APLF: variants seen among roughly 807,000 people sequenced by gnomAD.
APLF encodes aprataxin and PNK-like factor.
APLF carries 61 observed loss-of-function variants against 55.6 expected under a neutral mutation model. The observed-to-expected ratio is 1.10, with a 90% confidence interval of 0.89 to 1.36. The LOEUF is 1.36. Ranked by LOEUF, APLF falls within the 40% of genes most tolerant of loss-of-function variation. APLF has a pLI of 0.00. For missense variants in APLF, 611 were observed against 602.5 expected, an observed-to-expected ratio of 1.01 and a Z score of -0.15; for synonymous variants, 207 against 214.8, an observed-to-expected ratio of 0.96 and a Z score of 0.32.
intron 9 of APLF, among the ~76,000 whole-genome samples, chr2:68,568,669 TAG>T (rs2104071394): frequency 6.6e-6 from 1 of 152,264 alleles, no homozygotes; most frequent in African/African-American, 2.4e-5. Context: ...TTTATAGAAA[TAG>T]GAAATATTTA....
At chr2:68,488,018 GCTTA>G (rs147511765) in intron 1 of APLF, among the ~76,000 whole-genome samples, 16,141 of 151,968 alleles carry the variant, frequency 0.11, 2,574 homozygotes, top group African/African-American at 0.35. Flanking sequence ...TGTCAGTGAA[GCTTA>G]CTTCAAAGAA....
chr2:68,488,009 G>A (rs188280020), intron 1 of APLF, among the ~76,000 whole-genome samples: 363 of 147,136 alleles, frequency 2.5e-3, no homozygotes, highest in Non-Finnish European at 4.2e-3. Flanking sequence ...TCTTCGTAGT[G>A]TCAGTGAAGC....
intron 5 of APLF, among the ~76,000 whole-genome samples, chr2:68,524,633 G>C (rs971774937): frequency 1.3e-5 from 2 of 152,134 alleles, no homozygotes; most frequent in African/African-American, 2.4e-5. Flanking sequence ...TTTAGAACAT[G>C]GAATAATGAC....
chr2:68,519,087 A>G (rs184127224), intron 5 of APLF, among the ~76,000 whole-genome samples: 1 of 126,254 alleles, frequency 7.9e-6, no homozygotes, highest in Admixed American at 8.8e-5. Flanking sequence ...ATAATATATA[A>G]TTAATATATA....
intron 5 of APLF, among the ~76,000 whole-genome samples, chr2:68,518,166 G>C (rs1418296236): frequency 1.6e-5 from 2 of 121,344 alleles, no homozygotes; most frequent in Non-Finnish European, 3.2e-5. Context: ...ATGTATAATA[G>C]TAATATAATA....
Position 68,523,846 on chromosome 2 carries a change from C to T in APLF, c.623-2215C>T, listed in dbSNP as rs538190774. Among the ~76,000 whole-genome samples the T allele has an allele frequency of 2.6e-5, 4 of 151,512 alleles. No individual in the cohort carries two copies. The South Asian group carries it at 8.3e-4, about 32-fold the overall frequency. The stretch of plus-strand genomic sequence containing the variant: ...CTGTTGTCAGCCATTTTAAGCTATT[C>T]ATTTTTTATATACTCTTTGTGAAGA... On this transcript the variant is annotated intron_variant, in intron 5 of 9. Coordinates refer to ENST00000303795, the MANE Select transcript of APLF (RefSeq NM_173545.3).
chr2:68,556,957 T>TA (rs1671034970), intron 8 of APLF, among the ~76,000 whole-genome samples: 2 of 152,170 alleles, frequency 1.3e-5, no homozygotes, highest in Non-Finnish European at 1.5e-5. Context: ...TGATGGTGAG[T>TA]AAATCAATAA....
Position 68,579,361 on chromosome 2 carries a change from A to T in APLF, c.*1339A>T. On this transcript the variant is annotated 3_prime_UTR_variant, in exon 10 of 10. Transcript: ENST00000303795. ...GTCCCTTTAGCCTTGGTAGTATAAC[A>T]AATCTACGAATGTAATATTTAACTT... 1 of 978,596 alleles carries T rather than the reference A, an allele frequency of 1.0e-6. No individual in the cohort carries two copies. Among genetic ancestry groups the T allele is most frequent in the Non-Finnish European group, 1.2e-6 (1 of 823,720 alleles). 60.6% of individuals were successfully genotyped at this position (978,596 alleles called of 1,614,324 possible).
intron 2 of APLF, among the ~76,000 whole-genome samples, chr2:68,499,666 C>T (rs894540701): frequency 1.6e-4 from 24 of 152,108 alleles, no homozygotes; most frequent in African/African-American, 4.6e-4. Context: ...TGGTGAAACC[C>T]CATTGCTACT....
At chr2:68,514,114 AT>A (rs1669498977) in intron 5 of APLF, among the ~76,000 whole-genome samples, 1 of 151,706 alleles carries the variant, frequency 6.6e-6, no homozygotes, top group African/African-American at 2.4e-5. Flanking sequence ...CATTTTAGTT[AT>A]TGTACTTTTC....
chr2:68,486,263 G>A (rs983641428), intron 1 of APLF, among the ~76,000 whole-genome samples: 12 of 152,114 alleles, frequency 7.9e-5, no homozygotes, highest in African/African-American at 2.9e-4. Context: ...CTTTCAGTGG[G>A]GAATGGTATT....
chr2:68,540,136 T>G (rs1186914279), intron 7 of APLF, among the ~76,000 whole-genome samples: 2 of 152,070 alleles, frequency 1.3e-5, no homozygotes, highest in Admixed American at 6.6e-5. Context: ...GCATTAGGTA[T>G]TTCTCCTAAT....
chr2:68,539,707 A>G (rs1262495227), intron 7 of APLF, among the ~76,000 whole-genome samples: 1 of 152,170 alleles, frequency 6.6e-6, no homozygotes, highest in Non-Finnish European at 1.5e-5. Context: ...CATCCCATTT[A>G]TGAAAAAAAT....
Position 68,502,738 on chromosome 2 carries a change from C to T in APLF, c.176C>T (p.Thr59Ile), listed in dbSNP as rs1431545269. ...GGQLRIKPIH[T>I]NPCFYQSSEK... Reference sequence around the variant, plus strand: ...TCTTTTTTAATTTGTTAGATACACACAAATCCATGTTTTTACCAGTCTTCA... The same window carrying T: ...TCTTTTTTAATTTGTTAGATACACATAAATCCATGTTTTTACCAGTCTTCA... The change falls in exon 3 of 10, where the codon ACA (threonine) becomes ATA (isoleucine). Residue 59 changes from threonine (T) to isoleucine (I), a missense_variant. Transcript: ENST00000303795. The T allele has an allele frequency of 3.3e-6, 5 of 1,514,502 alleles. No homozygotes were observed. In the African/African-American group the frequency reaches 7.2e-5, roughly 22 times the overall value. 93.8% of individuals were successfully genotyped at this position (1,514,502 alleles called of 1,614,324 possible). A position where few individuals can be genotyped will look rare whatever the true frequency, so the allele number is the denominator to read the frequency against.
intron 1 of APLF, among the ~76,000 whole-genome samples, chr2:68,470,106 T>G (rs1021014224): frequency 5.3e-5 from 8 of 152,234 alleles, no homozygotes; most frequent in African/African-American, 1.9e-4. Context: ...CCCCAGGTCT[T>G]TGTTTACTAG....
chr2:68,570,757 C>T (rs1396204709), intron 9 of APLF, among the ~76,000 whole-genome samples: 1 of 152,116 alleles, frequency 6.6e-6, no homozygotes, highest in Admixed American at 6.6e-5. Context: ...TAAACATATA[C>T]GTGTGCATGT....
chr2:68,551,434 C>G (rs1046013580), intron 8 of APLF, among the ~76,000 whole-genome samples: 1 of 151,768 alleles, frequency 6.6e-6, no homozygotes, highest in Non-Finnish European at 1.5e-5. Context: ...GATATTGTGT[C>G]TACTCTATTT....
chr2:68,493,306 A>G (rs1224735057), intron 2 of APLF, among the ~76,000 whole-genome samples: 1 of 152,110 alleles, frequency 6.6e-6, no homozygotes, highest in Non-Finnish European at 1.5e-5. Flanking sequence ...AGTAAATGGT[A>G]CTGGGACAGT....
intron 1 of APLF, among the ~76,000 whole-genome samples, chr2:68,487,698 G>T (rs553827775): frequency 6.6e-6 from 1 of 152,200 alleles, no homozygotes; most frequent in East Asian, 1.9e-4. Flanking sequence ...TTTGTCACTT[G>T]CTCCCCACCC....
Sources: gnomAD v4.1 joint callset for allele counts (sites outside exome capture counted in the v4.1 genomes callset) on GRCh38, gnomAD v4.1.1 for gene constraint, MANE v1.5 for transcripts, NCBI Gene and HGNC (gene_info 2026-07-23, HGNC 2026-07-21) for gene names.